GDI2: variants seen among roughly 807,000 people sequenced by gnomAD.
GDI2 encodes the protein rab GDP dissociation inhibitor beta.
Under a neutral mutation model 54.2 loss-of-function variants are expected in GDI2, and 22 were observed. The ratio of observed to expected loss-of-function variants is 0.41; its 90% confidence interval spans 0.29 to 0.58. GDI2 has a LOEUF of 0.58. GDI2 is among the 20% of genes least tolerant of loss of function. The pLI is 0.35. For missense variants in GDI2, 422 were observed against 546.0 expected, an observed-to-expected ratio of 0.77 and a Z score of 2.26; for synonymous variants, 177 against 182.1, an observed-to-expected ratio of 0.97 and a Z score of 0.23.
At chr10:5,789,505 T>A (rs1840961316) in intron 4 of GDI2, among the ~76,000 whole-genome samples, 1 of 152,002 alleles carries the variant, frequency 6.6e-6, no homozygotes, top group South Asian at 2.1e-4. Context: ...CAGTACAGCC[T>A]CAAATGCCTG....
rs1212168648 is a variant in GDI2 at position 5,796,749 on chromosome 10, T to C, written c.253+14A>G. 9 of 1,209,692 alleles carry C rather than the reference T, an allele frequency of 7.4e-6. No homozygotes were observed. The highest frequency in any genetic ancestry group is 1.1e-5 in the Non-Finnish European group (9 of 814,690). The allele number at this position is 1,209,692 out of a possible 1,614,324, so 74.9% of individuals were successfully genotyped here. ...TCAAAGTACTGTCATAAATTTAAGT[T>C]AGAAATTCTTTACCATTAGCCATAA... On this transcript the variant is annotated intron_variant, in intron 3 of 10. Transcript: ENST00000380191.
chr10:5,783,429 T>G (rs1840805440), intron 6 of GDI2, among the ~76,000 whole-genome samples: 2 of 152,208 alleles, frequency 1.3e-5, no homozygotes, highest in Admixed American at 1.3e-4. Flanking sequence ...AAGTGGAGCA[T>G]GTAGGCCATT....
intron 1 of GDI2, among the ~76,000 whole-genome samples, chr10:5,805,285 G>C (rs906431445): frequency 3.4e-5 from 5 of 147,802 alleles, no homozygotes; most frequent in African/African-American, 1.3e-4. Context: ...TGGAGGGCTT[G>C]AAAACACAGA....
chr10:5,789,720 A>G (rs889292663), intron 4 of GDI2, among the ~76,000 whole-genome samples: 1 of 152,238 alleles, frequency 6.6e-6, no homozygotes, highest in Non-Finnish European at 1.5e-5. Flanking sequence ...AATATATGCA[A>G]TTCTATTTCA....
chr10:5,768,275 T>G lies in GDI2; in HGVS notation c.929A>C (p.Asn310Thr), dbSNP rs1452032255. The G allele has an allele frequency of 3.1e-6, 5 of 1,611,856 alleles. No individual in the cohort carries two copies. Among genetic ancestry groups the G allele is most frequent in the Non-Finnish European group, 4.2e-6 (5 of 1,177,894 alleles). The stretch of plus-strand genomic sequence containing the variant: ...CTGGCAGGAGTTGGCATCATTGGTG[T>G]TCTTGATGGGGTGGCTGAGGATGCA... The part of the protein sequence containing the change: ...VICILSHPIK[N>T]TNDANSCQII... Residue 310 changes from asparagine (N) to threonine (T), a missense_variant, in exon 8 of 11, where the codon AAC (asparagine) becomes ACC (threonine). Transcript: ENST00000380191. The surrounding 1 kb of genome is among the most constrained non-coding windows in gnomAD (Gnocchi z 4.4).
At position 5,765,891 on chromosome 10, in the gene GDI2, CTCT is replaced by C; in HGVS notation, c.*112_*114del. On this transcript the variant is annotated 3_prime_UTR_variant, in exon 11 of 11. Coordinates refer to ENST00000380191, the MANE Select transcript of GDI2 (RefSeq NM_001494.4). ...AAGGGGAGTATTTACTGGCACAGCG[CTCT>C]TCATTCTCTCCATTTTCATTACAAA... is the stretch of plus-strand genomic sequence containing the variant. 1 of 752,792 alleles carries C rather than the reference CTCT, an allele frequency of 1.3e-6. No homozygotes were observed. The highest frequency in any genetic ancestry group is 1.8e-5 in the African/African-American group (1 of 56,418). The allele number at this position is 752,792 out of a possible 1,614,324, so 46.6% of individuals were successfully genotyped here.
chr10:5,781,327 T>TAAA (rs370529291), intron 6 of GDI2, among the ~76,000 whole-genome samples: 3 of 146,660 alleles, frequency 2.0e-5, no homozygotes, highest in African/African-American at 7.5e-5. Context: ...TGGGGGCAAG[T>TAAA]AAAAGACTTC....
At chr10:5,812,637 G>T (rs1841501043) in intron 1 of GDI2, among the ~76,000 whole-genome samples, 1 of 152,196 alleles carries the variant, frequency 6.6e-6, no homozygotes, top group African/African-American at 2.4e-5. Context: ...ATTAGCAGGG[G>T]GGAGAAAGGA....
At position 5,794,229 on chromosome 10, in the gene GDI2, ATAT is replaced by A. The variant is rs1564396068; in HGVS notation, c.388+653_388+655del. Among the ~76,000 whole-genome samples, 108 of 126,508 alleles carry A rather than the reference ATAT, an allele frequency of 8.5e-4. 2 individuals carry two copies. Among genetic ancestry groups the A allele is most frequent in the African/African-American group, 2.0e-3 (69 of 33,670 alleles). 83.0% of individuals were successfully genotyped at this position (126,508 alleles called of 152,430 possible). On this transcript the variant is annotated intron_variant, in intron 4 of 10. Transcript: ENST00000380191. ...TATATATATATATATATATATATAT[ATAT>A]AAAACTCACCAGGAGTTCCTAAAAT...
At chr10:5,773,041 G>A (rs1271185226) in intron 7 of GDI2, among the ~76,000 whole-genome samples, 4 of 151,964 alleles carry the variant, frequency 2.6e-5, no homozygotes, top group Admixed American at 6.6e-5. Flanking sequence ...ATTATCAGGC[G>A]TTTTTTGCCC....
chr10:5,784,000 G>T (rs865964982), intron 6 of GDI2, among the ~76,000 whole-genome samples: 2 of 152,074 alleles, frequency 1.3e-5, no homozygotes, highest in Non-Finnish European at 2.9e-5. Context: ...CAAGGCCGGG[G>T]AAGTTTTCCT....
At chr10:5,801,112 C>T (rs1244280400) in intron 1 of GDI2, among the ~76,000 whole-genome samples, 1 of 151,904 alleles carries the variant, frequency 6.6e-6, no homozygotes, top group Non-Finnish European at 1.5e-5. Context: ...CCACCACACC[C>T]GGCTAATTTT....
chr10:5,794,025 G>A lies in GDI2; in HGVS notation c.388+860C>T, dbSNP rs536657220. ...CTAAAAATACAAAAATTAGCCGGGCGTGTTGGTACATGCCTATAGTCCCAG... is the reference window on the plus strand; with the variant it reads ...CTAAAAATACAAAAATTAGCCGGGCATGTTGGTACATGCCTATAGTCCCAG... On this transcript the variant is annotated intron_variant, in intron 4 of 10. Coordinates refer to ENST00000380191, the MANE Select transcript of GDI2 (RefSeq NM_001494.4). Among the ~76,000 whole-genome samples, 61 of 151,348 alleles carry A rather than the reference G, an allele frequency of 4.0e-4. 1 individual carries two copies. Among genetic ancestry groups the A allele is most frequent in the African/African-American group, 1.4e-3 (58 of 41,264 alleles).
chr10:5,768,024 C>G lies in GDI2; in HGVS notation c.991+189G>C, dbSNP rs1840397344. ...GATGGACACAAGTCCAAGGCTGGCTCCGAGTTGAATCTGTCCGCGTTGACA... is the reference window on the plus strand; with the variant it reads ...GATGGACACAAGTCCAAGGCTGGCTGCGAGTTGAATCTGTCCGCGTTGACA... On this transcript the variant is annotated intron_variant, in intron 8 of 10. Transcript: ENST00000380191. This position sits in a 1 kb window ranked among gnomAD's most constrained non-coding sequence, Gnocchi z 4.4. 1.3e-5 allele frequency among the ~76,000 whole-genome samples: 2 copies of G among 152,210 alleles called. No homozygotes were observed. The highest frequency in any genetic ancestry group is 4.1e-4 in the South Asian group (2 of 4,834).
intron 4 of GDI2, among the ~76,000 whole-genome samples, chr10:5,794,279 A>G (rs1156504775): frequency 1.4e-5 from 2 of 146,162 alleles, no homozygotes; most frequent in Non-Finnish European, 3.0e-5. Flanking sequence ...GGAATTACTA[A>G]CAAGACCAAT....
chr10:5,778,268 T>A (rs1410944752), intron 6 of GDI2, among the ~76,000 whole-genome samples: 1 of 152,178 alleles, frequency 6.6e-6, no homozygotes, highest in Non-Finnish European at 1.5e-5. Context: ...ACCCCAGAAC[T>A]TAAAGTATAA....
rs914511800 is a variant in GDI2 at position 5,766,387 on chromosome 10, C to T, written c.1137-92G>A. On this transcript the variant is annotated intron_variant, in intron 9 of 10. Coordinates refer to ENST00000380191, the MANE Select transcript of GDI2 (RefSeq NM_001494.4). This position sits in a 1 kb window ranked among gnomAD's most constrained non-coding sequence, Gnocchi z 5.8. Reference sequence around the variant, plus strand: ...AACTGAGAGGTACAGATGAATCCCACAGAGCAGCCAGCAGCTACCTGCCTT... The same window carrying T: ...AACTGAGAGGTACAGATGAATCCCATAGAGCAGCCAGCAGCTACCTGCCTT... 3 of 1,497,202 alleles carry T rather than the reference C, an allele frequency of 2.0e-6. No individual in the cohort carries two copies. The highest frequency in any genetic ancestry group is 1.4e-5 in the African/African-American group (1 of 72,608). The allele number at this position is 1,497,202 out of a possible 1,614,324, so 92.7% of individuals were successfully genotyped here. A position where few individuals can be genotyped will look rare whatever the true frequency, so the allele number is the denominator to read the frequency against.
At chr10:5,773,213 T>A (rs1421942118) in intron 7 of GDI2, among the ~76,000 whole-genome samples, 1 of 152,120 alleles carries the variant, frequency 6.6e-6, no homozygotes, top group Non-Finnish European at 1.5e-5. Flanking sequence ...GTTAAAAAGA[T>A]AAAGCTTAGA....
At chr10:5,794,188 AATATATATATATATATATATAT>A (rs1165735549) in intron 4 of GDI2, among the ~76,000 whole-genome samples, 12 of 40,344 alleles carry the variant, frequency 3.0e-4, no homozygotes, top group East Asian at 1.0e-3. Context: ...AAAAAAAAAA[AATATATATATATATATATATAT>A]ATATATATAT....
Sources: gnomAD v4.1 joint callset for allele counts (sites outside exome capture counted in the v4.1 genomes callset) on GRCh38, gnomAD v4.1.1 for gene constraint, Gnocchi (gnomAD v3.1) non-coding constraint, MANE v1.5 for transcripts, NCBI Gene and HGNC (gene_info 2026-07-23, HGNC 2026-07-21) for gene names.